The following ZSWIM5 variants were observed in gnomAD, a reference collection of about 807,000 sequenced individuals.
The protein encoded by ZSWIM5 is zinc finger SWIM-type containing 5, also known as zinc finger SWIM domain-containing protein 5.
ZSWIM5 carries 55 observed loss-of-function variants against 119.6 expected under a neutral mutation model. That is an observed-to-expected ratio of 0.46 (90% CI 0.37 to 0.58). The LOEUF (loss-of-function observed/expected upper bound fraction) is 0.58, where lower values mean the gene tolerates loss of function less well. Among genes scored for constraint, ZSWIM5 ranks in the 20% least tolerant of loss-of-function variants. The pLI is 0.00. For missense variants in ZSWIM5, 1,193 were observed against 1,512.8 expected (o/e 0.79, Z 3.51); for synonymous variants, 537 against 606.9 (o/e 0.88, Z 1.69).
intron 2 of ZSWIM5, among the ~76,000 whole-genome samples, chr1:45,073,249 ATTTTTTTTTTTTTTTT>A (rs58448888): frequency 1.8e-5 from 1 of 56,052 alleles, no homozygotes; most frequent in Non-Finnish European, 3.1e-5. Context: ...TTGCTACTGA[ATTTTTTTTTTTTTTTT>A]TTTTTTTTTT....
At chr1:45,076,577 T>G (rs557056038) in intron 2 of ZSWIM5, among the ~76,000 whole-genome samples, 9 of 152,272 alleles carry the variant, frequency 5.9e-5, no homozygotes, top group African/African-American at 2.2e-4. Flanking sequence ...CTTGAAGTAG[T>G]CTTCTTTGGG....
intron 1 of ZSWIM5, among the ~76,000 whole-genome samples, chr1:45,123,806 C>T (rs1299287574): frequency 2.0e-5 from 3 of 152,148 alleles, no homozygotes; most frequent in African/African-American, 7.2e-5. Flanking sequence ...CGTCAAGATA[C>T]ATCATAGTTA....
intron 1 of ZSWIM5, among the ~76,000 whole-genome samples, chr1:45,189,300 CAGAG>C (rs1444329190): frequency 6.6e-6 from 1 of 151,642 alleles, no homozygotes; most frequent in Non-Finnish European, 1.5e-5. Context: ...GGTCAACAGA[CAGAG>C]ACTCTGTCTC....
At chr1:45,158,409 T>G (rs935820667) in intron 1 of ZSWIM5, among the ~76,000 whole-genome samples, 40 of 152,200 alleles carry the variant, frequency 2.6e-4, no homozygotes, top group African/African-American at 9.4e-4. Context: ...CCTCAAGTGA[T>G]CCACCTGCCT....
chr1:45,185,677 A>T (rs1355414375), intron 1 of ZSWIM5, among the ~76,000 whole-genome samples: 4 of 152,216 alleles, frequency 2.6e-5, no homozygotes, highest in African/African-American at 4.8e-5. Context: ...GCCATCAGAG[A>T]AATGCAAATC....
At chr1:45,034,514 G>C (rs1461025989) in intron 10 of ZSWIM5, 45 bp from the exon 11 acceptor site, 1 of 1,548,620 alleles carries the variant, frequency 6.5e-7, no homozygotes, top group Non-Finnish European at 8.7e-7. Flanking sequence ...CAGACCCTGG[G>C]CTTCCGAGCC....
intron 1 of ZSWIM5, among the ~76,000 whole-genome samples, chr1:45,101,892 G>C (rs2149017769): frequency 6.6e-6 from 1 of 152,262 alleles, no homozygotes; most frequent in African/African-American, 2.4e-5. Context: ...GCCTGTCGTG[G>C]GGTGGAGGGC....
chr1:45,180,368 G>C lies in ZSWIM5; in HGVS notation c.595+25388C>G, dbSNP rs565696157. Among the ~76,000 whole-genome samples the C allele has an allele frequency of 2.0e-4, 30 of 152,182 alleles. 1 individual carries two copies. The highest frequency in any genetic ancestry group is 8.3e-4 in the South Asian group (4 of 4,836). ...TGAGATCAAACTGCAAGGCAGCAGC[G>C]AGGCTGGGGGAGGGGCGCCTGCCAT... On this transcript the variant is annotated intron_variant, in intron 1 of 13. Coordinates refer to ENST00000359600, the MANE Select transcript of ZSWIM5 (RefSeq NM_020883.2).
rs769955261 is a variant in ZSWIM5 at position 45,019,185 on chromosome 1, G to A, written c.2827C>T (p.Arg943Trp). 1.1e-5 allele frequency: 18 copies of A among 1,613,644 alleles called. No individual in the cohort carries two copies. Among genetic ancestry groups the A allele is most frequent in the South Asian group, 7.7e-5 (7 of 91,054 alleles). ...ILRLSLDYPQ[R>W]EELASCARTL... ...CGAGCACAGCTAGCCAGTTCCTCCC[G>A]CTGTGGATAGTCAAGACTGAGGCGC... is the stretch of plus-strand genomic sequence containing the variant. The change falls in exon 14 of 14, where the codon CGG becomes TGG. Residue 943 changes from arginine to tryptophan, a missense_variant. Coordinates refer to ENST00000359600, the MANE Select transcript of ZSWIM5 (RefSeq NM_020883.2). This position sits in a 1 kb window ranked among gnomAD's most constrained non-coding sequence, Gnocchi z 5.0.
intron 1 of ZSWIM5, among the ~76,000 whole-genome samples, chr1:45,113,146 T>C (rs1645528006): frequency 6.6e-6 from 1 of 152,216 alleles, no homozygotes; most frequent in Non-Finnish European, 1.5e-5. Flanking sequence ...TTCTAACACT[T>C]GTTGAAAAAA....
chr1:45,163,659 C>T (rs1143727), intron 1 of ZSWIM5, among the ~76,000 whole-genome samples: 24,315 of 152,086 alleles, frequency 0.16, 2,594 homozygotes, highest in African/African-American at 0.3. Flanking sequence ...AACCATGGCA[C>T]GAGAACTATG....
chr1:45,092,653 T>TCAAC (rs1182049820), intron 1 of ZSWIM5, among the ~76,000 whole-genome samples: 1 of 151,418 alleles, frequency 6.6e-6, no homozygotes, highest in African/African-American at 2.4e-5. Flanking sequence ...ACCCAGCTAT[T>TCAAC]CAACCAAACA....
rs1644867135 is a variant in ZSWIM5, at chr1:45,018,285, G to C, written c.*169C>G. The C allele has an allele frequency of 1.2e-6, 1 of 810,002 alleles. No individual in the cohort carries two copies. The highest frequency in any genetic ancestry group is 1.7e-5 in the African/African-American group (1 of 57,778). The allele number at this position is 810,002 out of a possible 1,614,324, so 50.2% of individuals were successfully genotyped here. A position where few individuals can be genotyped will look rare whatever the true frequency, so the allele number is the denominator to read the frequency against. ...CTGTAGTCAGAAGCTTGCCAAGGTA[G>C]GCATTATCGACTAGAGCTGGACTTT... is the stretch of plus-strand genomic sequence containing the variant. On this transcript the variant is annotated 3_prime_UTR_variant, in exon 14 of 14. Coordinates refer to ENST00000359600, the MANE Select transcript of ZSWIM5 (RefSeq NM_020883.2). The surrounding 1 kb of genome is among the most constrained non-coding windows in gnomAD (Gnocchi z 6.7).
At chr1:45,162,626 C>A (rs1174150004) in intron 1 of ZSWIM5, among the ~76,000 whole-genome samples, 1 of 152,258 alleles carries the variant, frequency 6.6e-6, no homozygotes, top group African/African-American at 2.4e-5. Context: ...CACCCTAATA[C>A]TGTGCTTTTC....
intron 1 of ZSWIM5, among the ~76,000 whole-genome samples, chr1:45,131,552 A>G (rs1343953141): frequency 2.6e-5 from 4 of 151,868 alleles, no homozygotes; most frequent in Non-Finnish European, 5.9e-5. Context: ...GGCGAAACCC[A>G]GTCCCCACTA....
chr1:45,016,486 C>T lies in ZSWIM5; in HGVS notation c.*1968G>A, dbSNP rs935548337. 2.6e-5 allele frequency: 4 copies of T among 152,218 alleles called. No individual in the cohort carries two copies. Among genetic ancestry groups the T allele is most frequent in the African/African-American group, 9.6e-5 (4 of 41,456 alleles). 9.4% of individuals were successfully genotyped at this position (152,218 alleles called of 1,614,324 possible). A position where few individuals can be genotyped will look rare whatever the true frequency, so the allele number is the denominator to read the frequency against. On this transcript the variant is annotated 3_prime_UTR_variant, in exon 14 of 14. Transcript: ENST00000359600. ...TCACACACTTGCTAAAAAAGGGCAACTGTGATACAGAAATGAGAGTGGCTT... is the reference window on the plus strand; with the variant it reads ...TCACACACTTGCTAAAAAAGGGCAATTGTGATACAGAAATGAGAGTGGCTT...
intron 1 of ZSWIM5, among the ~76,000 whole-genome samples, chr1:45,189,648 C>T (rs1332688004): frequency 6.6e-6 from 1 of 151,584 alleles, no homozygotes; most frequent in Non-Finnish European, 1.5e-5. Context: ...CCCAGCCACT[C>T]GGGAGGCTGA....
At chr1:45,078,585 T>C (rs1645269231) in intron 2 of ZSWIM5, among the ~76,000 whole-genome samples, 1 of 152,178 alleles carries the variant, frequency 6.6e-6, no homozygotes, top group Non-Finnish European at 1.5e-5. Context: ...ATAAGTACCC[T>C]TGTGGCCACC....
intron 1 of ZSWIM5, among the ~76,000 whole-genome samples, chr1:45,148,881 T>C (rs568356287): frequency 1.3e-5 from 2 of 152,260 alleles, no homozygotes; most frequent in Non-Finnish European, 2.9e-5. Flanking sequence ...ATAATATTCA[T>C]ACTAATTTTT....
Sources: gnomAD v4.1 joint callset for allele counts (sites outside exome capture counted in the v4.1 genomes callset) on GRCh38, gnomAD v4.1.1 for gene constraint, Gnocchi (gnomAD v3.1) non-coding constraint, MANE v1.5 for transcripts, NCBI Gene and HGNC (gene_info 2026-07-23, HGNC 2026-07-21) for gene names.